Variants in RAD51 observed in about 807,000 individuals in gnomAD.
The protein encoded by RAD51 is RAD51 recombinase.
In RAD51, 14 loss-of-function variants were observed where a neutral mutation model predicts 41.5. The ratio of observed to expected loss-of-function variants is 0.34; its 90% confidence interval spans 0.22 to 0.53. RAD51 has a LOEUF of 0.53. Ranked by LOEUF, RAD51 falls within the 20% of genes least tolerant of loss-of-function variation. The probability of loss-of-function intolerance (pLI) is 0.95; values close to 1 mark genes in which losing one functional copy is unlikely to be tolerated. For missense variants in RAD51, 234 were observed against 422.0 expected (o/e 0.55, Z 3.90); for synonymous variants, 136 against 148.6 (o/e 0.92, Z 0.62).
intron 1 of RAD51, chr15:40,695,696 G>A (rs1894577995): frequency 6.6e-6 from 1 of 152,258 alleles, no homozygotes; most frequent in African/African-American, 2.4e-5. Flanking sequence ...CGAGATCAGA[G>A]CGGTGTAGCC....
intron 5 of RAD51, among the ~76,000 whole-genome samples, chr15:40,717,788 T>C (rs1347827233): frequency 6.6e-6 from 1 of 152,212 alleles, no homozygotes; most frequent in Non-Finnish European, 1.5e-5. Flanking sequence ...AATGAACTGC[T>C]CAATAAAGTG....
intron 5 of RAD51, 29 bp downstream of exon 5, chr15:40,709,145 A>G (rs1472734144): frequency 6.4e-7 from 1 of 1,550,566 alleles, no homozygotes; most frequent in South Asian, 1.1e-5. Flanking sequence ...AGCTAATCAA[A>G]TAAGCAAGCA....
rs2141887233 is a variant in RAD51 at position 40,731,167 on chromosome 15, G to A, written c.1009G>A (p.Ala337Thr). 6.2e-7 allele frequency: 1 copy of A among 1,614,066 alleles called. No homozygotes were observed. The highest frequency in any genetic ancestry group is 1.3e-5 in the African/African-American group (1 of 75,038). The change falls in exon 10 of 10, where the codon GCC becomes ACC. Residue 337 changes from alanine to threonine, a missense_variant. Ala to Thr is a moderately conservative substitution (Grantham distance 58). Transcript: ENST00000267868. The stretch of plus-strand genomic sequence containing the variant: ...CATTAATGCAGATGGAGTGGGAGAT[G>A]CCAAAGACTGAATCATTGGGTTTTT... ...FAINADGVGD[A>T]KD
Position 40,701,217 on chromosome 15 carries a change from T to G in RAD51, c.225+16T>G. 6.2e-7 allele frequency: 1 copy of G among 1,613,600 alleles called. No homozygotes were observed. The highest frequency in any genetic ancestry group is 8.5e-7 in the Non-Finnish European group (1 of 1,179,530). ...TAAAATTCTGGTAAGTACTGCTTAC[T>G]TAACCTAGGGAGGCATTAGTGGGAA... On this transcript the variant is annotated intron_variant, in intron 3 of 9. Transcript: ENST00000267868.
chr15:40,697,588 TTTTTTTTG>T (rs1567036048), intron 1 of RAD51, among the ~76,000 whole-genome samples: 1 of 145,892 alleles, frequency 6.9e-6, no homozygotes, highest in East Asian at 2.2e-4. Flanking sequence ...TTTTTTTTTT[TTTTTTTTG>T]AGACGGAGTC....
At chr15:40,723,336 C>T (rs1169848247) in intron 6 of RAD51, among the ~76,000 whole-genome samples, 1 of 152,132 alleles carries the variant, frequency 6.6e-6, no homozygotes, top group Admixed American at 6.6e-5. Flanking sequence ...AGCAATTTCA[C>T]TCTAGTTATA....
chr15:40,710,877 G>A (rs896965582), intron 5 of RAD51, among the ~76,000 whole-genome samples: 2 of 151,982 alleles, frequency 1.3e-5, no homozygotes, highest in Admixed American at 6.6e-5. Context: ...ATTTTCTCTT[G>A]TACCTCTCTA....
chr15:40,703,482 T>C (rs550772584), intron 3 of RAD51, among the ~76,000 whole-genome samples: 1 of 152,226 alleles, frequency 6.6e-6, no homozygotes, highest in South Asian at 2.1e-4. Context: ...ATGGGAAATT[T>C]AAACATTATG....
intron 1 of RAD51, among the ~76,000 whole-genome samples, chr15:40,698,388 A>T (rs556050701): frequency 7.2e-5 from 11 of 152,008 alleles, no homozygotes; most frequent in Admixed American, 1.3e-4. Context: ...GGGGTTTCGC[A>T]TGTTGGCCGG....
intron 5 of RAD51, among the ~76,000 whole-genome samples, chr15:40,716,657 CTTT>C (rs34860677): frequency 3.4e-5 from 3 of 88,148 alleles, no homozygotes; most frequent in Non-Finnish European, 4.3e-5. Flanking sequence ...CTCTCTACTT[CTTT>C]TTTTTTTTTT....
chr15:40,721,994 G>C (rs1036171456), intron 6 of RAD51, among the ~76,000 whole-genome samples: 1 of 152,180 alleles, frequency 6.6e-6, no homozygotes, highest in Admixed American at 6.6e-5. Flanking sequence ...TTAAAAGGAA[G>C]AAAACACATT....
At chr15:40,713,994 CTT>C (rs749995356) in intron 5 of RAD51, among the ~76,000 whole-genome samples, 41 of 114,908 alleles carry the variant, frequency 3.6e-4, no homozygotes, top group East Asian at 5.6e-4. Context: ...GAAATAAATT[CTT>C]TTTTTTTTTT....
intron 6 of RAD51, among the ~76,000 whole-genome samples, chr15:40,727,950 C>T (rs553727895): frequency 4.7e-4 from 71 of 150,456 alleles, no homozygotes; most frequent in Middle Eastern, 3.4e-3. Context: ...ACTTCTGTCT[C>T]CCGGGTTCAA....
Position 40,710,402 on chromosome 15 carries a change from T to C in RAD51, c.435+1286T>C, listed in dbSNP as rs138726358. Among the ~76,000 whole-genome samples the C allele has an allele frequency of 1.5e-3, 215 of 148,142 alleles. 6 individuals carry two copies. The East Asian group carries it at 0.033, about 22-fold the overall frequency. On this transcript the variant is annotated intron_variant, in intron 5 of 9. Transcript: ENST00000267868. ...CTGTAATCCCAGTTACTTGGGAGAC[T>C]GAGGCAGGAGAATCGCTTGAACCCG...
intron 4 of RAD51, among the ~76,000 whole-genome samples, chr15:40,706,549 C>T (rs888715176): frequency 1.3e-5 from 2 of 152,078 alleles, no homozygotes; most frequent in East Asian, 1.9e-4. Flanking sequence ...ATTAGTTGGG[C>T]ATGGTGGCAC....
chr15:40,702,690 G>T (rs1043050757), intron 3 of RAD51, among the ~76,000 whole-genome samples: 6 of 151,892 alleles, frequency 4.0e-5, no homozygotes, highest in African/African-American at 1.5e-4. Context: ...GCTAATTTTT[G>T]TATTTTCAGT....
chr15:40,694,785 T>A (rs886164006), upstream of RAD51: 1 of 152,166 alleles, frequency 6.6e-6, no homozygotes, highest in Non-Finnish European at 1.5e-5. Flanking sequence ...TTGGGAGTCG[T>A]GGTCTTCGAT....
chr15:40,728,943 T>A, intron 7 of RAD51, 119 bp downstream of exon 7: 1 of 882,588 alleles, frequency 1.1e-6, no homozygotes, highest in Non-Finnish European at 1.9e-6. Flanking sequence ...TTAAGTATAA[T>A]TCCTGTGTTG....
intron 1 of RAD51, 48 bp from the exon 2 acceptor site, chr15:40,698,709 C>A: frequency 6.6e-7 from 1 of 1,523,370 alleles, no homozygotes; most frequent in Non-Finnish European, 9.1e-7. Flanking sequence ...GAGAGAGATG[C>A]ACCTTATTTC....
Sources: gnomAD v4.1 joint callset for allele counts (sites outside exome capture counted in the v4.1 genomes callset) on GRCh38, gnomAD v4.1.1 for gene constraint, MANE v1.5 for transcripts, NCBI Gene and HGNC (gene_info 2026-07-23, HGNC 2026-07-21) for gene names.